Variants in TTF1 observed in about 807,000 individuals in gnomAD.
TTF1 encodes the protein transcription termination factor 1, also known as transcription termination factor, RNA polymerase I.
TTF1 carries 64 observed loss-of-function variants against 80.2 expected under a neutral mutation model. That is an observed-to-expected ratio of 0.80 (90% CI 0.65 to 0.98). TTF1 has a LOEUF of 0.98. Among genes scored for constraint, TTF1 ranks in the 50% least tolerant of loss-of-function variants. The probability of loss-of-function intolerance (pLI) is 0.00; values close to 1 mark genes in which losing one functional copy is unlikely to be tolerated. For synonymous variants in TTF1, 372 were observed against 382.7 expected, an observed-to-expected ratio of 0.97 and a Z score of 0.33; for missense variants, 1,023 against 1,086.2, an observed-to-expected ratio of 0.94 and a Z score of 0.82.
chr9:132,396,679 T>G (rs1260047539), intron 4 of TTF1, among the ~76,000 whole-genome samples, 168 bp from the exon 5 acceptor site: 41 of 151,266 alleles, frequency 2.7e-4, no homozygotes, highest in Admixed American at 1.8e-3. Context: ...TGTTTGTTTT[T>G]TTTTTTTTGA....
At position 132,396,311 on chromosome 9, in the gene TTF1, G is replaced by GC. The variant is rs1286240400; in HGVS notation, c.1856+121_1856+122insG. On this transcript the variant is annotated intron_variant, in intron 5 of 10. Coordinates refer to ENST00000334270, the MANE Select transcript of TTF1 (RefSeq NM_007344.4). The stretch of plus-strand genomic sequence containing the variant: ...ACATTTGACAACAAATACACCACCT[G>GC]GTTTCACACACACAAATCTGCGTTA... 5 of 967,968 alleles carry GC rather than the reference G, an allele frequency of 5.2e-6. No homozygotes were observed. In the African/African-American group the frequency reaches 8.1e-5, roughly 16 times the overall value. 60.0% of individuals were successfully genotyped at this position (967,968 alleles called of 1,614,324 possible). A position where few individuals can be genotyped will look rare whatever the true frequency, so the allele number is the denominator to read the frequency against.
At chr9:132,378,978 C>A in intron 10 of TTF1, 81 bp downstream of exon 10, 2 of 1,070,140 alleles carry the variant, frequency 1.9e-6, no homozygotes, top group South Asian at 3.2e-5. Context: ...TAAGTCCAGT[C>A]ACCTGCCTAG....
intron 9 of TTF1, among the ~76,000 whole-genome samples, chr9:132,385,255 A>AC (rs1420301943): frequency 6.6e-6 from 1 of 152,114 alleles, no homozygotes; most frequent in Non-Finnish European, 1.5e-5. Context: ...CCCACACCAG[A>AC]CCAATCCCAT....
intron 7 of TTF1, among the ~76,000 whole-genome samples, chr9:132,388,645 A>G (rs534145231): frequency 2.2e-4 from 33 of 152,132 alleles, no homozygotes; most frequent in African/African-American, 7.7e-4. Flanking sequence ...CTGGACCTCA[A>G]TGTATTTTGA....
intron 5 of TTF1, among the ~76,000 whole-genome samples, chr9:132,393,314 A>G (rs1849593466): frequency 1.3e-5 from 2 of 149,064 alleles, no homozygotes; most frequent in Admixed American, 6.7e-5. Context: ...GCAGCACTGT[A>G]ACATGTTCAT....
chr9:132,377,857 G>A (rs1276288817), intron 10 of TTF1, among the ~76,000 whole-genome samples: 4 of 145,040 alleles, frequency 2.8e-5, no homozygotes, highest in African/African-American at 1.0e-4. Flanking sequence ...GTGAATGCAT[G>A]TGGTGTGAGT....
intron 4 of TTF1, among the ~76,000 whole-genome samples, 159 bp from the exon 5 acceptor site, chr9:132,396,670 G>GT (rs1849656268): frequency 1.1e-5 from 1 of 87,494 alleles, no homozygotes; most frequent in Non-Finnish European, 2.6e-5. Flanking sequence ...TGTTTTTTTT[G>GT]TTTGTTTTTT....
rs115718535 is a variant in TTF1 at position 132,405,924 on chromosome 9, G to A, written c.-8+866C>T. ...CCCTTTAACTGGTCCAAGTATGAAA[G>A]CCACTTTCTCAAGAGGACCTCTCTA... On this transcript the variant is annotated intron_variant, in intron 1 of 10. Transcript: ENST00000334270. Among the ~76,000 whole-genome samples the A allele has an allele frequency of 3.1e-3, 471 of 152,240 alleles. 2 individuals are homozygous for A. The highest frequency in any genetic ancestry group is 0.011 in the African/African-American group (457 of 41,526).
intron 1 of TTF1, among the ~76,000 whole-genome samples, chr9:132,406,534 G>A (rs1012563456): frequency 6.6e-6 from 1 of 151,682 alleles, no homozygotes; most frequent in African/African-American, 2.4e-5. Flanking sequence ...CCCAGGAAGC[G>A]GAGGTTGCAG....
chr9:132,391,940 G>C, intron 6 of TTF1, 136 bp downstream of exon 6: 8 of 1,393,506 alleles, frequency 5.7e-6, no homozygotes, highest in Non-Finnish European at 7.7e-6. Flanking sequence ...AATTAGTATA[G>C]AGAACAGCTT....
chr9:132,393,272 C>CG (rs1849591509), intron 5 of TTF1, among the ~76,000 whole-genome samples: 1 of 151,600 alleles, frequency 6.6e-6, no homozygotes, highest in Non-Finnish European at 1.5e-5. Context: ...GGAGCAAGCC[C>CG]CCCCCGCAAA....
In TTF1 at chr9:132,380,232, G is replaced by A. The variant is rs1306859702; in HGVS notation, c.2379-1088C>T. 3.3e-5 allele frequency among the ~76,000 whole-genome samples: 5 copies of A among 152,058 alleles called. No individual in the cohort carries two copies. The South Asian group carries it at 8.3e-4, about 25-fold the overall frequency. On this transcript the variant is annotated intron_variant, in intron 9 of 10. Coordinates refer to ENST00000334270, the MANE Select transcript of TTF1 (RefSeq NM_007344.4). ...TTACAGGTGCCCACCACCACGCCCA[G>A]CTAAATTTTTGTATTTTTGTATTTT... is the stretch of plus-strand genomic sequence containing the variant.
chr9:132,384,266 CAT>C lies in TTF1; in HGVS notation c.2378+2288_2378+2289del, dbSNP rs1313983173. ...TAATAAAGCAGTACTTAGAAGAAAA[CAT>C]ATGGCCTTAAATGTATATTACAAAG... On this transcript the variant is annotated intron_variant, in intron 9 of 10. Transcript: ENST00000334270. This position sits in a 1 kb window ranked among gnomAD's most constrained non-coding sequence, Gnocchi z 4.1. Among the ~76,000 whole-genome samples, 1 of 152,004 alleles carries C rather than the reference CAT, an allele frequency of 6.6e-6. No homozygotes were observed. The highest frequency in any genetic ancestry group is 1.5e-5 in the Non-Finnish European group (1 of 68,016).
intron 1 of TTF1, among the ~76,000 whole-genome samples, 183 bp downstream of exon 1, chr9:132,406,603 TAAAA>T (rs35899253): frequency 1.6e-5 from 2 of 125,428 alleles, no homozygotes; most frequent in Non-Finnish European, 3.3e-5. Context: ...ACTCCATCTT[TAAAA>T]AAAAAAAAAA....
At position 132,401,616 on chromosome 9, in the gene TTF1, C is replaced by T; in HGVS notation, c.1206G>A (p.Val402=). 6.2e-7 allele frequency: 1 copy of T among 1,614,190 alleles called. No homozygotes were observed. The highest frequency in any genetic ancestry group is 8.5e-7 in the Non-Finnish European group (1 of 1,180,046). The change falls in exon 2 of 11, where the codon GTG becomes GTA. Residue 402 remains valine, a synonymous_variant. Transcript: ENST00000334270. ...RKLTSVKRAR[V]SGDDFSVPSK... ...TGGGCACTGAAAAATCATCACCAGA[C>T]ACTCGTGCCCTTTTGACAGACGTAA...
chr9:132,396,774 TCTC>T (rs1486416840), intron 4 of TTF1, among the ~76,000 whole-genome samples: 1 of 151,814 alleles, frequency 6.6e-6, no homozygotes, highest in African/African-American at 2.4e-5. Flanking sequence ...TTCAAGCAAT[TCTC>T]CTGCCTCAGC....
Position 132,401,978 on chromosome 9 carries a change from T to A in TTF1, c.844A>T (p.Lys282Ter). Residue 282 changes from lysine to a stop codon, truncating the protein, a stop_gained, in exon 2 of 11, where the codon AAG (lysine) becomes TAG (stop). Transcript: ENST00000334270. LOFTEE classifies it high-confidence loss of function. ...GCCTCAAATTCCTGGTGATTGGACT[T>A]TTTCTTCTTTTTTTTCTTAGACTTT... Reference protein sequence around the residue: ...KKKSKKKKKKKSNHQEFEALA... With the variant: ...KKKSKKKKKK 1.2e-6 allele frequency: 2 copies of A among 1,613,842 alleles called. No homozygotes were observed. Among genetic ancestry groups the A allele is most frequent in the South Asian group, 2.2e-5 (2 of 91,058 alleles).
chr9:132,380,100 C>T (rs756234739), intron 9 of TTF1, among the ~76,000 whole-genome samples: 14 of 151,598 alleles, frequency 9.2e-5, no homozygotes, highest in Admixed American at 2.0e-4. Context: ...GATGGAGTCT[C>T]GCTCTGTCAC....
At chr9:132,377,210 G>C (rs1408930800) in intron 10 of TTF1, among the ~76,000 whole-genome samples, 1 of 148,698 alleles carries the variant, frequency 6.7e-6, no homozygotes, top group Non-Finnish European at 1.5e-5. Flanking sequence ...GTGAGTGCAT[G>C]CATGTGGTGT....
Sources: allele counts gnomAD v4.1 joint callset (sites outside exome capture counted in the v4.1 genomes callset), GRCh38; gene constraint gnomAD v4.1.1; non-coding constraint Gnocchi (gnomAD v3.1); transcripts MANE v1.5; gene names NCBI Gene and HGNC (gene_info 2026-07-23, HGNC 2026-07-21).